Variants in PALLD observed in about 807,000 individuals in gnomAD.
PALLD encodes the protein palladin.
Under a neutral mutation model 123.5 loss-of-function variants are expected in PALLD, and 61 were observed. That is an observed-to-expected ratio of 0.49 (90% CI 0.40 to 0.61). PALLD has a LOEUF of 0.61. Ranked by LOEUF, PALLD falls within the 20% of genes least tolerant of loss-of-function variation. The pLI, the probability that PALLD is intolerant of heterozygous loss-of-function variation, is 0.00. For missense variants in PALLD, 1,273 were observed against 1,377.0 expected (o/e 0.92, Z 1.20); for synonymous variants, 465 against 496.4 (o/e 0.94, Z 0.84).
intron 10 of PALLD, among the ~76,000 whole-genome samples, chr4:168,850,274 C>A (rs9994552): frequency 0.12 from 17,949 of 151,906 alleles, 3,496 homozygotes; most frequent in African/African-American, 0.4. Context: ...AATGAATGCT[C>A]CCCCTTCAGC....
chr4:168,701,365 A>G (rs921410722), intron 8 of PALLD, among the ~76,000 whole-genome samples: 1 of 152,248 alleles, frequency 6.6e-6, no homozygotes, highest in Non-Finnish European at 1.5e-5. Flanking sequence ...TTCAGAGACC[A>G]TGTTAAAATT....
Position 168,927,963 on chromosome 4 carries a change from A to G in PALLD, c.*1783A>G, listed in dbSNP as rs1762766224. 5.1e-6 allele frequency: 1 copy of G among 196,568 alleles called. No individual in the cohort carries two copies. The highest frequency in any genetic ancestry group is 2.3e-5 in the African/African-American group (1 of 43,290). 12.2% of individuals were successfully genotyped at this position (196,568 alleles called of 1,614,324 possible). A position where few individuals can be genotyped will look rare whatever the true frequency, so the allele number is the denominator to read the frequency against. ...TAGCTCAGTTACTCAATTCATACGTAGTATTTTTTAAAATAATTTTATATC... is the reference window on the plus strand; with the variant it reads ...TAGCTCAGTTACTCAATTCATACGTGGTATTTTTTAAAATAATTTTATATC... On this transcript the variant is annotated 3_prime_UTR_variant, in exon 22 of 22. Coordinates refer to ENST00000505667, the MANE Select transcript of PALLD (RefSeq NM_001166108.2).
chr4:168,582,721 C>A (rs747343695), intron 2 of PALLD, among the ~76,000 whole-genome samples: 1 of 152,042 alleles, frequency 6.6e-6, no homozygotes, highest in Non-Finnish European at 1.5e-5. Context: ...TGTGGTATGT[C>A]ACATTTATTG....
chr4:168,797,888 T>A lies in PALLD; in HGVS notation c.1964+85965T>A, dbSNP rs114087056. On this transcript the variant is annotated intron_variant, in intron 10 of 21. Transcript: ENST00000505667. ...GTTACAAAGCATATTTCCCCCTGTA[T>A]ATTAATGTCATATTCAGCAAATCAG... is the stretch of plus-strand genomic sequence containing the variant. Among the ~76,000 whole-genome samples the A allele has an allele frequency of 2.1e-3, 316 of 151,374 alleles. 1 individual carries two copies. The highest frequency in any genetic ancestry group is 7.2e-3 in the African/African-American group (299 of 41,268).
intron 10 of PALLD, among the ~76,000 whole-genome samples, chr4:168,751,467 C>A (rs1731055390): frequency 2.6e-5 from 4 of 152,190 alleles, no homozygotes; most frequent in Admixed American, 2.6e-4. Context: ...GTCATAGCAG[C>A]TTTGCAATCA....
At chr4:168,863,955 T>TC (rs1254314548) in intron 10 of PALLD, 1 of 152,180 alleles carries the variant, frequency 6.6e-6, no homozygotes, top group African/African-American at 2.4e-5. Context: ...GTGGCCACAA[T>TC]CAAGAGATAA....
chr4:168,830,975 A>G (rs1744126620), intron 10 of PALLD, among the ~76,000 whole-genome samples: 3 of 152,242 alleles, frequency 2.0e-5, no homozygotes. Flanking sequence ...AATGGTAGAT[A>G]TTACCATTCA....
chr4:168,629,485 A>C (rs1289890965), intron 2 of PALLD, among the ~76,000 whole-genome samples: 1 of 152,196 alleles, frequency 6.6e-6, no homozygotes, highest in African/African-American at 2.4e-5. Flanking sequence ...ATGTACTTTT[A>C]TATAAATTAT....
chr4:168,810,831 A>G (rs1264407820), intron 10 of PALLD, among the ~76,000 whole-genome samples: 32 of 150,430 alleles, frequency 2.1e-4, no homozygotes, highest in Admixed American at 4.6e-4. Context: ...AAAAAAGAAA[A>G]AAAAAGAAGA....
intron 10 of PALLD, among the ~76,000 whole-genome samples, chr4:168,769,083 A>G (rs1734064707): frequency 6.6e-6 from 1 of 152,210 alleles, no homozygotes; most frequent in South Asian, 2.1e-4. Context: ...TCGGCCTCCC[A>G]AAGTACTGGG....
intron 2 of PALLD, among the ~76,000 whole-genome samples, chr4:168,639,446 A>G (rs1776676729): frequency 6.6e-6 from 1 of 152,206 alleles, no homozygotes; most frequent in African/African-American, 2.4e-5. Flanking sequence ...TTGCCACAAC[A>G]GTCTGATTGG....
chr4:168,549,598 T>C (rs78690235), intron 2 of PALLD, among the ~76,000 whole-genome samples: 7,314 of 152,264 alleles, frequency 0.048, 198 homozygotes, highest in South Asian at 0.16. Flanking sequence ...CTCTTATTAA[T>C]ACTTCACCCA....
At chr4:168,565,947 T>G (rs1267428090) in intron 2 of PALLD, among the ~76,000 whole-genome samples, 1 of 152,146 alleles carries the variant, frequency 6.6e-6, no homozygotes, top group Non-Finnish European at 1.5e-5. Context: ...GTGTTTTGTG[T>G]TATATAATGG....
At chr4:168,531,543 C>T (rs1057068177) in intron 2 of PALLD, among the ~76,000 whole-genome samples, 3 of 152,156 alleles carry the variant, frequency 2.0e-5, no homozygotes, top group Admixed American at 6.6e-5. Flanking sequence ...ATACCATTCA[C>T]GTATCTTCTG....
intron 2 of PALLD, among the ~76,000 whole-genome samples, chr4:168,574,582 T>C (rs1474847040): frequency 6.6e-6 from 1 of 152,152 alleles, no homozygotes; most frequent in Non-Finnish European, 1.5e-5. Flanking sequence ...TGCTATTCTA[T>C]CTTTGAATTT....
intron 2 of PALLD, among the ~76,000 whole-genome samples, chr4:168,627,998 C>T (rs1176015092): frequency 6.6e-6 from 1 of 152,244 alleles, no homozygotes; most frequent in African/African-American, 2.4e-5. Flanking sequence ...CGTGGGGAAA[C>T]AAGCACCATT....
At chr4:168,817,677 G>A (rs1742168868) in intron 10 of PALLD, among the ~76,000 whole-genome samples, 1 of 152,116 alleles carries the variant, frequency 6.6e-6, no homozygotes, top group African/African-American at 2.4e-5. Context: ...GATTTGGAAG[G>A]AGAATTTCAG....
intron 2 of PALLD, among the ~76,000 whole-genome samples, chr4:168,555,480 C>G (rs1050016329): frequency 2.6e-5 from 4 of 152,130 alleles, no homozygotes; most frequent in Admixed American, 6.5e-5. Context: ...CTCTGTGGAC[C>G]CGCTTTGCTG....
intron 2 of PALLD, among the ~76,000 whole-genome samples, chr4:168,542,039 AT>A (rs776512861): frequency 1.3e-5 from 2 of 152,168 alleles, no homozygotes; most frequent in Non-Finnish European, 2.9e-5. Flanking sequence ...ATGTGCTCAA[AT>A]TCGTATGTGT....
Sources: allele counts gnomAD v4.1 joint callset (sites outside exome capture counted in the v4.1 genomes callset), GRCh38; gene constraint gnomAD v4.1.1; transcripts MANE v1.5; gene names NCBI Gene and HGNC (gene_info 2026-07-23, HGNC 2026-07-21).